The following PCDHA8 variants were observed in gnomAD, a reference collection of about 807,000 sequenced individuals.
PCDHA8 encodes the protein protocadherin alpha 8, also known as protocadherin alpha-8.
A neutral mutation model predicts 61.8 loss-of-function variants in PCDHA8; 53 were observed. That is an observed-to-expected ratio of 0.86 (90% confidence interval 0.69 to 1.08). PCDHA8 has a LOEUF of 1.08. PCDHA8 is among the 50% of genes least tolerant of loss of function. PCDHA8 has a pLI of 0.00. For missense variants in PCDHA8, 1,293 were observed against 1,245.0 expected (o/e 1.04, Z -0.58); for synonymous variants, 618 against 556.6 (o/e 1.11, Z -1.55).
intron 1 of PCDHA8, among the ~76,000 whole-genome samples, chr5:140,923,952 C>T (rs1313695833): frequency 5.9e-5 from 9 of 152,178 alleles, no homozygotes; most frequent in Non-Finnish European, 1.0e-4. Context: ...TTTCCTCACG[C>T]CCTAATCTAT....
intron 1 of PCDHA8, chr5:140,884,514 CG>C (rs1244903550): frequency 5.0e-6 from 8 of 1,614,058 alleles, no homozygotes; most frequent in Middle Eastern, 1.6e-4. Flanking sequence ...GGGAGTTGGT[CG>C]TACTCGCAGC....
chr5:140,862,165 T>C (rs1003648198), intron 1 of PCDHA8: 39 of 164,612 alleles, frequency 2.4e-4, no homozygotes, highest in Non-Finnish European at 2.3e-4. Context: ...AAGATTCAAA[T>C]ACAGGCAGTT....
chr5:140,877,366 A>G (rs1358364554), intron 1 of PCDHA8: 1 of 1,613,868 alleles, frequency 6.2e-7, no homozygotes, highest in Non-Finnish European at 8.5e-7. Context: ...TGGCGAGATC[A>G]GCACGACACG....
At chr5:140,891,409 C>T (rs1295005747) in intron 1 of PCDHA8, among the ~76,000 whole-genome samples, 1 of 148,202 alleles carries the variant, frequency 6.7e-6, no homozygotes, top group Non-Finnish European at 1.5e-5. Context: ...CGCCACCCCC[C>T]ACTCTTGCCC....
chr5:140,858,481 T>C (rs782180300), intron 1 of PCDHA8: 5 of 1,507,736 alleles, frequency 3.3e-6, no homozygotes, highest in Non-Finnish European at 4.5e-6. Flanking sequence ...TTATGAATAA[T>C]ATTTTCTCTT....
chr5:140,900,437 C>T (rs1284375985), intron 1 of PCDHA8, among the ~76,000 whole-genome samples: 4 of 152,148 alleles, frequency 2.6e-5, no homozygotes, highest in African/African-American at 9.7e-5. Flanking sequence ...GCCACCACGG[C>T]CGGCTAATTT....
At chr5:140,990,429 C>A (rs2097393514) in intron 3 of PCDHA8, among the ~76,000 whole-genome samples, 1 of 152,144 alleles carries the variant, frequency 6.6e-6, no homozygotes, top group African/African-American at 2.4e-5. Context: ...CAGCATTGAC[C>A]CAATCTTGTG....
At chr5:140,898,970 C>T (rs2067071539) in intron 1 of PCDHA8, among the ~76,000 whole-genome samples, 2 of 152,006 alleles carry the variant, frequency 1.3e-5, no homozygotes, top group South Asian at 4.2e-4. Context: ...TGGGAGTTCA[C>T]TCATGATTTG....
At chr5:140,936,240 CAT>C (rs1282249217) in intron 1 of PCDHA8, among the ~76,000 whole-genome samples, 3 of 152,152 alleles carry the variant, frequency 2.0e-5, no homozygotes, top group Non-Finnish European at 4.4e-5. Flanking sequence ...TTAAAGAAAA[CAT>C]ATCCTGCTTC....
chr5:140,963,483 T>C (rs1228943699), intron 1 of PCDHA8, among the ~76,000 whole-genome samples: 1 of 152,246 alleles, frequency 6.6e-6, no homozygotes, highest in Non-Finnish European at 1.5e-5. Flanking sequence ...GGTAAATCTC[T>C]TGTGAGGAAA....
At chr5:140,858,289 T>A in intron 1 of PCDHA8, 2 of 1,597,184 alleles carry the variant, frequency 1.3e-6, no homozygotes, top group East Asian at 4.5e-5. Context: ...GGAGCTGGTC[T>A]TACTCGCAGC....
At chr5:140,996,389 A>G (rs543903221) in intron 3 of PCDHA8, among the ~76,000 whole-genome samples, 3 of 152,328 alleles carry the variant, frequency 2.0e-5, no homozygotes, top group Admixed American at 1.3e-4. Context: ...ATAATGCCTC[A>G]TAGAGTTTCA....
At chr5:140,922,715 G>A (rs1221596173) in intron 1 of PCDHA8, among the ~76,000 whole-genome samples, 1 of 152,038 alleles carries the variant, frequency 6.6e-6, no homozygotes, top group East Asian at 1.9e-4. Flanking sequence ...AGAACAAAAA[G>A]AAACACTTGA....
intron 1 of PCDHA8, chr5:140,859,028 T>C (rs1281709317): frequency 6.6e-6 from 1 of 150,998 alleles, no homozygotes; most frequent in Non-Finnish European, 1.5e-5. Flanking sequence ...AGTTAAATGC[T>C]TTGAACTTTA....
chr5:140,870,764 T>A, intron 1 of PCDHA8: 1 of 1,613,600 alleles, frequency 6.2e-7, no homozygotes, highest in Non-Finnish European at 8.5e-7. Flanking sequence ...CAGGTGTTCG[T>A]GCTGGACGAG....
At chr5:140,858,889 A>G (rs1265560651) in intron 1 of PCDHA8, 1 of 236,296 alleles carries the variant, frequency 4.2e-6, no homozygotes. Context: ...CATGTGTAGA[A>G]TATGTGTAGC....
At position 140,852,582 on chromosome 5, in the gene PCDHA8, A is replaced by ATTT. The variant is rs527656692; in HGVS notation, c.2394+8877_2394+8879dup. The ATTT allele has an allele frequency of 5.4e-4, 378 of 693,802 alleles. 2 individuals carry two copies. The highest frequency in any genetic ancestry group is 7.4e-4 in the Middle Eastern group (1 of 1,344). The allele number at this position is 693,802 out of a possible 1,614,324, so 43.0% of individuals were successfully genotyped here. On this transcript the variant is annotated intron_variant, in intron 1 of 3. Coordinates refer to ENST00000531613, the MANE Select transcript of PCDHA8 (RefSeq NM_018911.3). ...TGAGCCACTGTGCCAAGGCTTTTTTATTTTTTTTTTTTGTCATTTTCTTTC... is the reference window on the plus strand; with the variant it reads ...TGAGCCACTGTGCCAAGGCTTTTTTATTTTTTTTTTTTTTTGTCATTTTCTTTC...
In PCDHA8 at chr5:140,842,679, C is replaced by A; in HGVS notation, c.1358C>A (p.Pro453Gln). Residue 453 changes from proline (P) to glutamine (Q), a missense_variant, in exon 1 of 4, where the codon CCG (proline) becomes CAG (glutamine). Transcript: ENST00000531613. ...GTGGCCGACGTGAACGACAATGCTC[C>A]GGCGTTCGCGCAGCCCGAGTACACG... Reference protein sequence around the residue: ...VEVADVNDNAPAFAQPEYTVF... With the variant: ...VEVADVNDNAQAFAQPEYTVF... 1 of 1,595,330 alleles carries A rather than the reference C, an allele frequency of 6.3e-7. No homozygotes were observed. Among genetic ancestry groups the A allele is most frequent in the Non-Finnish European group, 8.6e-7 (1 of 1,165,516 alleles).
intron 1 of PCDHA8, among the ~76,000 whole-genome samples, chr5:140,846,739 C>A (rs1314749505): frequency 8.0e-5 from 12 of 149,210 alleles, no homozygotes; most frequent in Non-Finnish European, 6.0e-5. Context: ...TTAAATAGGA[C>A]CCTTACAGAT....
Sources: allele counts gnomAD v4.1 joint callset (sites outside exome capture counted in the v4.1 genomes callset), GRCh38; gene constraint gnomAD v4.1.1; transcripts MANE v1.5; gene names NCBI Gene and HGNC (gene_info 2026-07-23, HGNC 2026-07-21).